The following C11orf65 variants were observed in gnomAD, a reference collection of about 807,000 sequenced individuals.
The protein encoded by C11orf65 is protein MFI.
In C11orf65, 38 loss-of-function variants were observed where a neutral mutation model predicts 35.3. That is an observed-to-expected ratio of 1.08 (90% confidence interval 0.83 to 1.41). The LOEUF (loss-of-function observed/expected upper bound fraction) is 1.41, where lower values mean the gene tolerates loss of function less well. C11orf65 is among the 40% of genes most tolerant of loss of function. The pLI, the probability that C11orf65 is intolerant of heterozygous loss-of-function variation, is 0.00. For missense variants in C11orf65, 370 were observed against 367.1 expected (o/e 1.01, Z -0.06); for synonymous variants, 105 against 114.4 (o/e 0.92, Z 0.53).
At chr11:108,327,557 T>C, downstream of C11orf65, 3 of 1,111,736 alleles carry the variant, frequency 2.7e-6, no homozygotes, top group Non-Finnish European at 4.0e-6. Flanking sequence ...AAAACATTTT[T>C]AACCTGCTTT....
At chr11:108,317,674 C>CACTA (rs1348508969) in intron 6 of C11orf65, among the ~76,000 whole-genome samples, 3 of 129,296 alleles carry the variant, frequency 2.3e-5, no homozygotes, top group East Asian at 2.4e-4. Flanking sequence ...CACACACACA[C>CACTA]TATATATATA....
intron 2 of C11orf65, among the ~76,000 whole-genome samples, chr11:108,456,664 C>T (rs1298514802): frequency 5.3e-5 from 8 of 151,764 alleles, no homozygotes; most frequent in Admixed American, 2.6e-4. Flanking sequence ...CACCTGTAGT[C>T]CAAACAGGAG....
chr11:108,333,714 C>T (rs1020662766), intron 3 of C11orf65, among the ~76,000 whole-genome samples: 1 of 152,186 alleles, frequency 6.6e-6, no homozygotes, highest in African/African-American at 2.4e-5. Context: ...CACTGTTGAG[C>T]TTTGACTCTG....
chr11:108,310,323 A>C lies in C11orf65; in HGVS notation c.641-1252T>G, dbSNP rs1401825950. On this transcript the variant is annotated intron_variant, in intron 6 of 6. Transcript: ENST00000525729. ...GGATGATCAAGAGAAAAGGTAATGG[A>C]ATTTAGAATTTTTGGTTTTTAAAAT... 14 of 1,611,458 alleles carry C rather than the reference A, an allele frequency of 8.7e-6. No individual in the cohort carries two copies. Among genetic ancestry groups the C allele is most frequent in the African/African-American group, 1.3e-5 (1 of 74,862 alleles).
In C11orf65 at chr11:108,460,457, G is replaced by A. The variant is rs75621377; in HGVS notation, c.81+1022C>T. Among the ~76,000 whole-genome samples the A allele has an allele frequency of 2.1e-3, 319 of 152,220 alleles. 1 individual carries two copies. Among genetic ancestry groups the A allele is most frequent in the African/African-American group, 7.1e-3 (295 of 41,544 alleles). The stretch of plus-strand genomic sequence containing the variant: ...GCACAAGTGACCACGACATTAACCC[G>A]GATATAGTGTATTATTAATAAACTT... On this transcript the variant is annotated intron_variant, in intron 2 of 8. Transcript: ENST00000393084.
downstream of C11orf65, among the ~76,000 whole-genome samples, chr11:108,328,812 C>T (rs779102175): frequency 3.9e-5 from 6 of 152,126 alleles, no homozygotes; most frequent in Non-Finnish European, 7.4e-5. Context: ...AGAAAATGTA[C>T]GAATTTGTGT....
intron 2 of C11orf65, among the ~76,000 whole-genome samples, chr11:108,452,298 C>G (rs2093358864): frequency 6.6e-6 from 1 of 152,096 alleles, no homozygotes; most frequent in Non-Finnish European, 1.5e-5. Flanking sequence ...AGAACTTAAA[C>G]AAATTTACAA....
At chr11:108,354,886 T>C (rs1006139847) in intron 2 of C11orf65, 1 of 1,604,198 alleles carries the variant, frequency 6.2e-7, no homozygotes, top group Non-Finnish European at 8.5e-7. Context: ...TAAAGTATTT[T>C]ATAAGGAAGA....
chr11:108,378,449 T>A (rs1295441460), downstream of C11orf65, among the ~76,000 whole-genome samples: 4 of 138,240 alleles, frequency 2.9e-5, no homozygotes, highest in Non-Finnish European at 6.2e-5. Flanking sequence ...TGAAACTGGA[T>A]CCCTTCCTTA....
chr11:108,352,445 A>G (rs1439489486), intron 2 of C11orf65, among the ~76,000 whole-genome samples: 1 of 152,218 alleles, frequency 6.6e-6, no homozygotes, highest in Non-Finnish European at 1.5e-5. Flanking sequence ...TAGAAGACAG[A>G]GCCGTAGAAA....
intron 2 of C11orf65, chr11:108,365,075 T>C: frequency 6.2e-7 from 1 of 1,613,894 alleles, no homozygotes; most frequent in Non-Finnish European, 8.5e-7. Flanking sequence ...ATGTTCTCTC[T>C]GTTTAGGTCC....
intron 2 of C11orf65, chr11:108,355,146 A>G (rs1469192598): frequency 2.2e-6 from 1 of 457,370 alleles, no homozygotes; most frequent in Non-Finnish European, 4.0e-6. Flanking sequence ...TTTGACATTT[A>G]GATATTCCAT....
In C11orf65 at chr11:108,353,887, G is replaced by A. The variant is rs1555142923; in HGVS notation, c.227-18595C>T. The A allele has an allele frequency of 6.2e-7, 1 of 1,604,906 alleles. No individual in the cohort carries two copies. Among genetic ancestry groups the A allele is most frequent in the Non-Finnish European group, 8.5e-7 (1 of 1,171,726 alleles). ...TTGAAGGTGTCTTCAGAAGGTAAGT[G>A]ATATGAAGTAAAGGAGGGAAATAAT... On this transcript the variant is annotated intron_variant, in intron 2 of 3. Transcript: ENST00000524755.
intron 3 of C11orf65, among the ~76,000 whole-genome samples, chr11:108,411,484 TTC>T (rs1047698692): frequency 2.6e-5 from 4 of 152,328 alleles, no homozygotes; most frequent in African/African-American, 9.6e-5. Context: ...AGTGACAGCG[TTC>T]TCTCTATATA....
At chr11:108,349,575 A>C (rs959063245) in intron 2 of C11orf65, among the ~76,000 whole-genome samples, 1 of 152,182 alleles carries the variant, frequency 6.6e-6, no homozygotes, top group African/African-American at 2.4e-5. Flanking sequence ...AGGCAGGAGA[A>C]TCACTTGAAC....
At chr11:108,449,978 G>A (rs1046592619) in intron 2 of C11orf65, among the ~76,000 whole-genome samples, 1 of 151,832 alleles carries the variant, frequency 6.6e-6, no homozygotes, top group Non-Finnish European at 1.5e-5. Context: ...CCAAGGATAT[G>A]AACAGACACT....
chr11:108,415,654 A>G (rs979638517), intron 3 of C11orf65, among the ~76,000 whole-genome samples: 4 of 152,220 alleles, frequency 2.6e-5, no homozygotes, highest in Admixed American at 2.6e-4. Context: ...AATAGCCACT[A>G]TAATATTTCA....
At chr11:108,381,383 T>C (rs1413091394), downstream of C11orf65, among the ~76,000 whole-genome samples, 2 of 152,178 alleles carry the variant, frequency 1.3e-5, no homozygotes, top group African/African-American at 4.8e-5. Context: ...AGGATTCCAC[T>C]GAACCTAGAA....
intron 3 of C11orf65, among the ~76,000 whole-genome samples, chr11:108,409,458 T>C (rs193036292): frequency 1.3e-5 from 2 of 152,160 alleles, no homozygotes; most frequent in Non-Finnish European, 2.9e-5. Context: ...TTGACTACAA[T>C]GGTGTGAAAG....
Sources: allele counts gnomAD v4.1 joint callset (sites outside exome capture counted in the v4.1 genomes callset), GRCh38; gene constraint gnomAD v4.1.1; transcripts MANE v1.5; gene names NCBI Gene and HGNC (gene_info 2026-07-23, HGNC 2026-07-21).